Variants in DCTN1 observed in about 807,000 individuals in gnomAD.
DCTN1 encodes the protein dynactin subunit 1, also known as 150 kDa dynein-associated polypeptide.
Under a neutral mutation model 161.2 loss-of-function variants are expected in DCTN1, and 61 were observed. That is an observed-to-expected ratio of 0.38 (90% CI 0.31 to 0.47). DCTN1 has a LOEUF of 0.47. Among genes scored for constraint, DCTN1 ranks in the 20% least tolerant of loss-of-function variants. DCTN1 has a pLI of 0.99. For synonymous variants in DCTN1, 653 were observed against 632.4 expected, an observed-to-expected ratio of 1.03 and a Z score of -0.49; for missense variants, 1,404 against 1,623.7, an observed-to-expected ratio of 0.86 and a Z score of 2.33.
intron 30 of DCTN1, among the ~76,000 whole-genome samples, 153 bp from the exon 31 acceptor site, chr2:74,362,294 CCA>C (rs1264621054): frequency 6.6e-6 from 1 of 152,132 alleles, no homozygotes; most frequent in Non-Finnish European, 1.5e-5. Flanking sequence ...AACCCCATCC[CCA>C]CACCAGCACT....
chr2:74,365,793 T>A, intron 24 of DCTN1, 100 bp downstream of exon 24: 13 of 1,612,304 alleles, frequency 8.1e-6, no homozygotes, highest in Non-Finnish European at 1.1e-5. Flanking sequence ...CTTCTCCCCT[T>A]AACTCCCAAG....
At chr2:74,367,503 C>A in intron 18 of DCTN1, 83 bp from the exon 19 acceptor site, 1 of 1,533,970 alleles carries the variant, frequency 6.5e-7, no homozygotes, top group Non-Finnish European at 9.0e-7. Flanking sequence ...GAGCCCTGGT[C>A]ATCATGGGTC....
At position 74,378,233 on chromosome 2, in the gene DCTN1, T is replaced by C; in HGVS notation, c.46A>G (p.Ser16Gly). The change falls in exon 2 of 32, where the codon AGC (serine) becomes GGC (glycine). Residue 16 changes from serine (S) to glycine (G), a missense_variant. Around this residue, in one of 9 missense-constraint regions of DCTN1, gnomAD observed 53 missense variants for 54.4 expected, o/e 0.97. Transcript: ENST00000628224. Reference protein sequence around the residue: ...RHVYSRTPSGSRMSAEASARP... With the variant: ...RHVYSRTPSGGRMSAEASARP... ...GCGCTTGCCTCCGCACTCATCCTGC[T>C]GCCGCTGGGCGTCTGAAAGACACAG... The C allele has an allele frequency of 6.2e-7, 1 of 1,608,892 alleles. No individual in the cohort carries two copies. The highest frequency in any genetic ancestry group is 1.1e-5 in the South Asian group (1 of 91,068).
chr2:74,368,848 C>T lies in DCTN1; in HGVS notation c.1734G>A (p.Val578=), dbSNP rs1674617601. The T allele has an allele frequency of 3.1e-6, 5 of 1,614,256 alleles. No homozygotes were observed. The East Asian group carries it at 1.1e-4, about 36-fold the overall frequency. ...AIEMELRQME[V]AQANRHMSLL... ...GGGACATGTGTCGATTGGCCTGGGC[C>T]ACCTCCATCTGCCTCAATTCCATCT... Residue 578 remains valine, a synonymous_variant, in exon 16 of 32, where the codon GTG becomes GTA. Coordinates refer to ENST00000628224, the MANE Select transcript of DCTN1 (RefSeq NM_004082.5).
chr2:74,369,281 G>C lies in DCTN1; in HGVS notation c.1584+19C>G. Reference sequence around the variant, plus strand: ...GCCCTGGGGTGATGGTGGGCAGAGAGCAAACAGTGGGCATGTACCTGTAGA... The same window carrying C: ...GCCCTGGGGTGATGGTGGGCAGAGACCAAACAGTGGGCATGTACCTGTAGA... On this transcript the variant is annotated intron_variant, in intron 14 of 31. Transcript: ENST00000628224. This position sits in a 1 kb window ranked among gnomAD's most constrained non-coding sequence, Gnocchi z 4.9. The C allele has an allele frequency of 6.2e-7, 1 of 1,614,216 alleles. No homozygotes were observed. The highest frequency in any genetic ancestry group is 1.1e-5 in the South Asian group (1 of 91,086).
At chr2:74,389,171 G>A (rs1379419797) in intron 1 of DCTN1, among the ~76,000 whole-genome samples, 1 of 152,120 alleles carries the variant, frequency 6.6e-6, no homozygotes, top group Admixed American at 6.5e-5. Context: ...GGGGAGGCCA[G>A]ACTAAATAGC....
At position 74,369,307 on chromosome 2, in the gene DCTN1, T is replaced by C. The variant is rs1064797255; in HGVS notation, c.1577A>G (p.His526Arg). ...TIKKYRQLTA[H>R]LQDVNRELTN... ...CAAACAGTGGGCATGTACCTGTAGA[T>C]GGGCGGTCAGCTGGCGGTACTTCTT... Residue 526 changes from histidine (H) to arginine (R), a missense_variant, in exon 14 of 32, where the codon CAT becomes CGT. Coordinates refer to ENST00000628224, the MANE Select transcript of DCTN1 (RefSeq NM_004082.5). This position sits in a 1 kb window ranked among gnomAD's most constrained non-coding sequence, Gnocchi z 4.9. The C allele has an allele frequency of 3.1e-6, 5 of 1,614,180 alleles. No homozygotes were observed. The highest frequency in any genetic ancestry group is 4.2e-6 in the Non-Finnish European group (5 of 1,180,028).
chr2:74,367,084 G>A lies in DCTN1; in HGVS notation c.2277C>T (p.Cys759=). The A allele has an allele frequency of 6.2e-7, 1 of 1,614,204 alleles. No individual in the cohort carries two copies. The change falls in exon 20 of 32, where the codon TGC becomes TGT. Residue 759 remains cysteine, a synonymous_variant. Transcript: ENST00000628224. ...HIKFTQSALD[C]MSVEVGRLRA... ...GCAGCCGTCCTACCTCCACACTCAT[G>A]CAGTCCAGAGCACTCTGCGTGAACT... is the stretch of plus-strand genomic sequence containing the variant.
intron 5 of DCTN1, among the ~76,000 whole-genome samples, chr2:74,375,931 G>A (rs754047645): frequency 3.9e-5 from 6 of 152,146 alleles, no homozygotes; most frequent in Admixed American, 2.0e-4. Flanking sequence ...ATAGGCTGAC[G>A]ACAAGGAAAT....
Position 74,377,442 on chromosome 2 carries a change from G to A in DCTN1, c.383C>T (p.Thr128Ile). The change falls in exon 4 of 32, where the codon ACT becomes ATT. Residue 128 changes from threonine (T) to isoleucine (I), a missense_variant. Physicochemically the swap from Thr to Ile is moderately conservative, Grantham distance 89. Transcript: ENST00000628224. ...CCCCAAATCACTCACCAGTTTGCTA[G>A]TCTTTGCAGTTGTATCAGTTCCCTC... Reference protein sequence around the residue: ...KREGTDTTAKTSKLRGLKPKK... With the variant: ...KREGTDTTAKISKLRGLKPKK... The A allele has an allele frequency of 1.2e-6, 2 of 1,613,550 alleles. No homozygotes were observed. Among genetic ancestry groups the A allele is most frequent in the African/African-American group, 1.3e-5 (1 of 74,998 alleles).
At position 74,369,500 on chromosome 2, in the gene DCTN1, C is replaced by A. The variant is rs926947357; in HGVS notation, c.1393-9G>T. 6 of 1,611,274 alleles carry A rather than the reference C, an allele frequency of 3.7e-6. No individual in the cohort carries two copies. In the African/African-American group the frequency reaches 8.0e-5, roughly 22 times the overall value. ...ATCTCATTCATCGCTTCCTAGGACA[C>A]CACACCATAGTTTGGGCTAAAGAAA... On this transcript the variant is annotated splice_polypyrimidine_tract_variant and intron_variant, in intron 13 of 31. Coordinates refer to ENST00000628224, the MANE Select transcript of DCTN1 (RefSeq NM_004082.5). This position sits in a 1 kb window ranked among gnomAD's most constrained non-coding sequence, Gnocchi z 4.9.
At chr2:74,377,488 A>G in intron 3 of DCTN1, 22 bp from the exon 4 acceptor site, 1 of 1,609,974 alleles carries the variant, frequency 6.2e-7, no homozygotes, top group Non-Finnish European at 8.5e-7. Flanking sequence ...AAACAGAAAC[A>G]AAGTGTGTAC....
chr2:74,367,426 G>C lies in DCTN1; in HGVS notation c.2185-6C>G. 1 of 1,614,110 alleles carries C rather than the reference G, an allele frequency of 6.2e-7. No homozygotes were observed. The highest frequency in any genetic ancestry group is 8.5e-7 in the Non-Finnish European group (1 of 1,180,010). On this transcript the variant is annotated splice_polypyrimidine_tract_variant and splice_region_variant and intron_variant, in intron 18 of 31. Transcript: ENST00000628224. ...AGGTGGATGCTGTACAGATGCTGAGGAGAGATAACAGACAGACAACTTTTA... is the reference window on the plus strand; with the variant it reads ...AGGTGGATGCTGTACAGATGCTGAGCAGAGATAACAGACAGACAACTTTTA...
rs974189699 is a variant in DCTN1, at chr2:74,363,362, G to A, written c.3277C>T (p.Leu1093=). 1 of 1,612,668 alleles carries A rather than the reference G, an allele frequency of 6.2e-7. No individual in the cohort carries two copies. The highest frequency in any genetic ancestry group is 8.5e-7 in the Non-Finnish European group (1 of 1,179,500). The change falls in exon 28 of 32, where the codon CTG becomes TTG. Residue 1093 remains leucine, a synonymous_variant. Coordinates refer to ENST00000628224, the MANE Select transcript of DCTN1 (RefSeq NM_004082.5). ...GPGLVKDSPL[L]LQQISAMRLH... ...CTCATGGCAGAGATCTGCTGAAGCAGCAGTGGTGAGTCCTTCACCAGCCCT... is the reference window on the plus strand; with the variant it reads ...CTCATGGCAGAGATCTGCTGAAGCAACAGTGGTGAGTCCTTCACCAGCCCT...
chr2:74,381,175 C>G (rs1220892345), upstream of DCTN1, among the ~76,000 whole-genome samples: 1 of 152,238 alleles, frequency 6.6e-6, no homozygotes, highest in African/African-American at 2.4e-5. Context: ...TGTTACCACA[C>G]TGCTTTCATT....
At chr2:74,384,522 G>A (rs1675644430), upstream of DCTN1, among the ~76,000 whole-genome samples, 1 of 150,964 alleles carries the variant, frequency 6.6e-6, no homozygotes, top group South Asian at 2.2e-4. Flanking sequence ...AAGAGAGGAG[G>A]GGAAAAATCT....
upstream of DCTN1, among the ~76,000 whole-genome samples, chr2:74,383,027 A>C (rs1186797234): frequency 1.3e-5 from 2 of 151,454 alleles, no homozygotes; most frequent in Non-Finnish European, 2.9e-5. Flanking sequence ...GTGAGCCGAG[A>C]TTGCGCCACT....
upstream of DCTN1, among the ~76,000 whole-genome samples, chr2:74,381,546 G>A (rs981784434): frequency 4.6e-5 from 7 of 151,958 alleles, no homozygotes; most frequent in Non-Finnish European, 2.9e-5. Context: ...TTCCCTATTC[G>A]CCATTACACA....
chr2:74,372,984 A>G (rs1488272957), intron 6 of DCTN1, 36 bp from the exon 7 acceptor site: 2 of 1,606,524 alleles, frequency 1.2e-6, no homozygotes, highest in Non-Finnish European at 1.7e-6. Context: ...AGAAGTAGTC[A>G]GGAAAGAAAG....
Sources: allele counts gnomAD v4.1 joint callset (sites outside exome capture counted in the v4.1 genomes callset), GRCh38; gene constraint gnomAD v4.1.1; regional missense constraint gnomAD v4.1.1; non-coding constraint Gnocchi (gnomAD v3.1); transcripts MANE v1.5; gene names NCBI Gene and HGNC (gene_info 2026-07-23, HGNC 2026-07-21).